Variants in AGBL4 observed in about 807,000 individuals in gnomAD.
AGBL4 encodes the protein cytosolic carboxypeptidase 6.
A neutral mutation model predicts 66.4 loss-of-function variants in AGBL4; 58 were observed. The ratio of observed to expected loss-of-function variants is 0.87; its 90% CI spans 0.71 to 1.09. AGBL4 has a LOEUF of 1.09. Ranked by LOEUF, AGBL4 falls within the 50% of genes least tolerant of loss-of-function variation. AGBL4 has a pLI of 0.00. For synonymous variants in AGBL4, 234 were observed against 222.9 expected (o/e 1.05, Z -0.44); for missense variants, 579 against 631.0 (o/e 0.92, Z 0.88).
intron 3 of AGBL4, among the ~76,000 whole-genome samples, chr1:49,468,220 A>T (rs1646669469): frequency 6.6e-6 from 1 of 151,806 alleles, no homozygotes; most frequent in African/African-American, 2.4e-5. Context: ...AATCCATGAA[A>T]TATAGTGAAA....
At position 49,858,666 on chromosome 1, in the gene AGBL4, C is replaced by T. The variant is rs140345410; in HGVS notation, c.35-7148G>A. Among the ~76,000 whole-genome samples, 34 of 152,166 alleles carry T rather than the reference C, an allele frequency of 2.2e-4. No homozygotes were observed. In the East Asian group the frequency reaches 6.4e-3, roughly 29 times the overall value. ...CACCATCAAATAGTGATAAAGGAGT[C>T]AGCTCACCAAGACCAATAATCCTAA... On this transcript the variant is annotated intron_variant, in intron 1 of 13. Coordinates refer to ENST00000371839, the MANE Select transcript of AGBL4 (RefSeq NM_032785.4).
intron 3 of AGBL4, among the ~76,000 whole-genome samples, chr1:49,592,372 G>T (rs373241641): frequency 6.6e-6 from 1 of 152,094 alleles, no homozygotes; most frequent in East Asian, 1.9e-4. Flanking sequence ...GGAGTTCAAG[G>T]CCAGCCTTGC....
chr1:49,979,677 C>T (rs1289386595), intron 1 of AGBL4, among the ~76,000 whole-genome samples: 2 of 152,174 alleles, frequency 1.3e-5, no homozygotes, highest in Non-Finnish European at 2.9e-5. Context: ...CTGTGTGACA[C>T]TAATCATCTC....
At position 49,375,459 on chromosome 1, in the gene AGBL4, C is replaced by T. The variant is rs139155550; in HGVS notation, c.283-129595G>A. Among the ~76,000 whole-genome samples, 442 of 152,138 alleles carry T rather than the reference C, an allele frequency of 2.9e-3. 1 individual carries two copies. The highest frequency in any genetic ancestry group is 3.7e-3 in the Non-Finnish European group (251 of 67,986). On this transcript the variant is annotated intron_variant, in intron 3 of 13. Transcript: ENST00000371839. ...CCTTGAAAGATTGCTTTAAAAGTCACGGTGCCCTTTGATGCCTTCCTGTAG... is the reference window on the plus strand; with the variant it reads ...CCTTGAAAGATTGCTTTAAAAGTCATGGTGCCCTTTGATGCCTTCCTGTAG...
chr1:48,893,761 T>C (rs950396853), intron 5 of AGBL4, among the ~76,000 whole-genome samples: 12 of 152,078 alleles, frequency 7.9e-5, no homozygotes, highest in Admixed American at 5.9e-4. Flanking sequence ...ATTTCTACCA[T>C]GCGAGGCTAC....
At chr1:49,203,681 G>A (rs1480975337) in intron 4 of AGBL4, among the ~76,000 whole-genome samples, 3 of 152,168 alleles carry the variant, frequency 2.0e-5, no homozygotes, top group Non-Finnish European at 4.4e-5. Flanking sequence ...GCCCATGCCT[G>A]TAATCCCAGC....
intron 1 of AGBL4, among the ~76,000 whole-genome samples, chr1:49,981,538 C>T (rs1221650311): frequency 2.0e-5 from 3 of 151,686 alleles, no homozygotes; most frequent in Non-Finnish European, 4.4e-5. Flanking sequence ...AATATATACA[C>T]ACTATATATG....
chr1:48,998,271 C>T (rs1661160294), intron 5 of AGBL4, among the ~76,000 whole-genome samples: 1 of 152,142 alleles, frequency 6.6e-6, no homozygotes, highest in Non-Finnish European at 1.5e-5. Context: ...CATCCAAATG[C>T]TCTGTGCTCT....
chr1:49,570,534 T>C (rs1454970044), intron 3 of AGBL4, among the ~76,000 whole-genome samples: 1 of 152,016 alleles, frequency 6.6e-6, no homozygotes, highest in African/African-American at 2.4e-5. Flanking sequence ...TCCTATTCTG[T>C]AGGCAGTCTT....
chr1:49,155,713 C>G (rs34919416), intron 4 of AGBL4, among the ~76,000 whole-genome samples: 1 of 152,106 alleles, frequency 6.6e-6, no homozygotes, highest in Non-Finnish European at 1.5e-5. Context: ...AAACAGATAT[C>G]TAATAACAAT....
chr1:49,169,512 C>A (rs183720468), intron 4 of AGBL4, among the ~76,000 whole-genome samples: 4 of 152,290 alleles, frequency 2.6e-5, no homozygotes, highest in Admixed American at 2.6e-4. Flanking sequence ...ACAAAATTAA[C>A]TGCAATTTTA....
At chr1:49,562,886 A>G (rs1468348464) in intron 3 of AGBL4, among the ~76,000 whole-genome samples, 5 of 138,402 alleles carry the variant, frequency 3.6e-5, no homozygotes, top group African/African-American at 1.7e-4. Flanking sequence ...TTGAATCTAT[A>G]AATTACCTTG....
intron 6 of AGBL4, among the ~76,000 whole-genome samples, chr1:48,755,641 TTC>T (rs2148646304): frequency 6.6e-6 from 1 of 152,276 alleles, no homozygotes; most frequent in African/African-American, 2.4e-5. Context: ...GTTCTCTGCC[TTC>T]TTAGTGGTGT....
At chr1:48,998,445 T>C (rs1661171682) in intron 5 of AGBL4, among the ~76,000 whole-genome samples, 1 of 152,188 alleles carries the variant, frequency 6.6e-6, no homozygotes, top group Admixed American at 6.5e-5. Context: ...CTCCTCCTTT[T>C]CTGGGCATGT....
In AGBL4 at chr1:48,785,949, G is replaced by C. The variant is rs1343744334; in HGVS notation, c.634+81242C>G. Among the ~76,000 whole-genome samples the C allele has an allele frequency of 9.2e-5, 14 of 151,808 alleles. No individual in the cohort carries two copies. In the East Asian group the frequency reaches 2.7e-3, roughly 29 times the overall value. On this transcript the variant is annotated intron_variant, in intron 6 of 13. Coordinates refer to ENST00000371839, the MANE Select transcript of AGBL4 (RefSeq NM_032785.4). Reference sequence around the variant, plus strand: ...TGGTTATCATCTCTGCTCATCCCAAGCACCTGGTGGTTCAAAATGCCTGCC... The same window carrying C: ...TGGTTATCATCTCTGCTCATCCCAACCACCTGGTGGTTCAAAATGCCTGCC...
chr1:49,448,406 T>C (rs747994359), intron 3 of AGBL4, among the ~76,000 whole-genome samples: 3 of 152,174 alleles, frequency 2.0e-5, no homozygotes, highest in African/African-American at 4.8e-5. Context: ...CTATATGGCT[T>C]ATACTTCAAA....
In AGBL4 at chr1:49,278,489, T is replaced by C. The variant is rs1287559039; in HGVS notation, c.283-32625A>G. 3.3e-5 allele frequency among the ~76,000 whole-genome samples: 5 copies of C among 152,302 alleles called. No individual in the cohort carries two copies. In the East Asian group the frequency reaches 9.7e-4, roughly 29 times the overall value. On this transcript the variant is annotated intron_variant, in intron 3 of 13. Coordinates refer to ENST00000371839, the MANE Select transcript of AGBL4 (RefSeq NM_032785.4). The stretch of plus-strand genomic sequence containing the variant: ...ACTTTACAGCTGTATGGTACTGCTT[T>C]TTAGGGCAGAGATCAAGTCATCAGG...
chr1:49,220,846 T>C (rs1437431274), intron 4 of AGBL4, among the ~76,000 whole-genome samples: 2 of 152,132 alleles, frequency 1.3e-5, no homozygotes, highest in Non-Finnish European at 2.9e-5. Context: ...ATGCCATAGG[T>C]TTGCTGTGCT....
chr1:49,286,596 T>G (rs1336256608), intron 3 of AGBL4, among the ~76,000 whole-genome samples: 6 of 151,978 alleles, frequency 3.9e-5, no homozygotes, highest in Middle Eastern at 6.8e-3. Flanking sequence ...AAATCATGAG[T>G]GAACTCCCGT....
Sources: gnomAD v4.1 joint callset for allele counts (sites outside exome capture counted in the v4.1 genomes callset) on GRCh38, gnomAD v4.1.1 for gene constraint, MANE v1.5 for transcripts, NCBI Gene and HGNC (gene_info 2026-07-23, HGNC 2026-07-21) for gene names.